Variants in FBXW11 observed in about 807,000 individuals in gnomAD.
The protein encoded by FBXW11 is F-box/WD repeat-containing protein 11.
FBXW11 carries 19 observed loss-of-function variants against 77.6 expected under a neutral mutation model. That is an observed-to-expected ratio of 0.24 (90% CI 0.17 to 0.36). FBXW11 has a LOEUF of 0.36. FBXW11 is among the 10% of genes least tolerant of loss of function. FBXW11 has a pLI of 1.00. For missense variants in FBXW11, 334 were observed against 704.2 expected (o/e 0.47, Z 5.95); for synonymous variants, 235 against 249.4 (o/e 0.94, Z 0.54).
At chr5:171,864,602 T>TA (rs1191423485) in intron 13 of FBXW11, among the ~76,000 whole-genome samples, 1 of 152,220 alleles carries the variant, frequency 6.6e-6, no homozygotes, top group Non-Finnish European at 1.5e-5. Flanking sequence ...TTAGCCTTTC[T>TA]AAAATAGAAT....
chr5:171,977,930 C>T (rs1016119111), intron 1 of FBXW11, among the ~76,000 whole-genome samples: 2 of 152,048 alleles, frequency 1.3e-5, no homozygotes, highest in African/African-American at 2.4e-5. Context: ...ACTACAGTTA[C>T]ATTAACAGCT....
intron 7 of FBXW11, among the ~76,000 whole-genome samples, chr5:171,885,178 T>C (rs1307268579): frequency 6.6e-6 from 1 of 152,204 alleles, no homozygotes; most frequent in Non-Finnish European, 1.5e-5. Flanking sequence ...GTAGACCTTA[T>C]CAAGAAGTAC....
chr5:171,956,749 T>C (rs567469883), intron 2 of FBXW11, among the ~76,000 whole-genome samples: 2 of 152,374 alleles, frequency 1.3e-5, no homozygotes, highest in African/African-American at 4.8e-5. Flanking sequence ...GAATTTAATA[T>C]GGCTTTTCAA....
chr5:171,936,109 T>TAAAAAAAAAAA (rs61349170), intron 2 of FBXW11, among the ~76,000 whole-genome samples: 61 of 58,960 alleles, frequency 1.0e-3, no homozygotes, highest in East Asian at 1.8e-3. Context: ...AGACTCCATC[T>TAAAAAAAAAAA]AAAAAAAAAA....
chr5:171,964,519 T>C (rs1226499146), intron 1 of FBXW11, among the ~76,000 whole-genome samples: 1 of 152,248 alleles, frequency 6.6e-6, no homozygotes, highest in Non-Finnish European at 1.5e-5. Context: ...GCATTAAAGT[T>C]AACCCAACTT....
intron 2 of FBXW11, among the ~76,000 whole-genome samples, chr5:171,931,498 C>A (rs1200460492): frequency 6.6e-6 from 1 of 152,184 alleles, no homozygotes; most frequent in Non-Finnish European, 1.5e-5. Context: ...AGACACTCAG[C>A]TTACACATTT....
At chr5:171,894,322 G>C (rs559686374) in intron 6 of FBXW11, among the ~76,000 whole-genome samples, 3 of 152,288 alleles carry the variant, frequency 2.0e-5, no homozygotes, top group African/African-American at 7.2e-5. Context: ...TTAGCAAATG[G>C]CTTAGCTTCT....
rs533307569 is a variant in FBXW11, at chr5:171,883,281, A to C, written c.853-5152T>G. Among the ~76,000 whole-genome samples the C allele has an allele frequency of 3.8e-4, 58 of 152,214 alleles. 3 individuals are homozygous for C. The South Asian group carries it at 0.011, about 28-fold the overall frequency. On this transcript the variant is annotated intron_variant, in intron 7 of 13. Transcript: ENST00000517395. Reference sequence around the variant, plus strand: ...AAGTGTCTTTTTTAAATAATGACTTATTTTCCTCTGGGTAGATACCCAGTA... The same window carrying C: ...AAGTGTCTTTTTTAAATAATGACTTCTTTTCCTCTGGGTAGATACCCAGTA...
chr5:171,922,845 C>A (rs1295329161), intron 2 of FBXW11, among the ~76,000 whole-genome samples: 1 of 152,022 alleles, frequency 6.6e-6, no homozygotes, highest in African/African-American at 2.4e-5. Context: ...CCAAAAATAC[C>A]TTAAAGAATG....
chr5:171,981,504 T>C (rs1765144882), intron 1 of FBXW11, among the ~76,000 whole-genome samples: 1 of 152,286 alleles, frequency 6.6e-6, no homozygotes, highest in South Asian at 2.1e-4. Context: ...TTTGGTTAAT[T>C]TAAGGGATCT....
intron 2 of FBXW11, among the ~76,000 whole-genome samples, chr5:171,936,044 G>C (rs1246461491): frequency 6.8e-6 from 1 of 147,298 alleles, no homozygotes; most frequent in Non-Finnish European, 1.5e-5. Context: ...CTGGGAGGCA[G>C]AGGTTGCAGT....
intron 1 of FBXW11, 117 bp from the exon 2 acceptor site, chr5:171,957,815 G>T: frequency 1.2e-6 from 1 of 808,278 alleles, no homozygotes; most frequent in Non-Finnish European, 2.1e-6. Flanking sequence ...TTGGCAGTTT[G>T]GAGGTTAGGG....
intron 1 of FBXW11, among the ~76,000 whole-genome samples, chr5:171,996,264 A>G (rs1033943441): frequency 2.6e-5 from 4 of 152,234 alleles, no homozygotes; most frequent in African/African-American, 9.6e-5. Context: ...AGAATGCCTC[A>G]AAGTTACCAT....
At chr5:171,990,354 T>A (rs1321554654) in intron 1 of FBXW11, among the ~76,000 whole-genome samples, 1 of 152,202 alleles carries the variant, frequency 6.6e-6, no homozygotes, top group Non-Finnish European at 1.5e-5. Flanking sequence ...AAAATTCATG[T>A]AATACCATGA....
Position 171,916,255 on chromosome 5 carries a change from A to AG in FBXW11, c.148-1851_148-1850insC, listed in dbSNP as rs1491337516. ...AAGTATAATTTAAAAAAAAAATGAG[A>AG]AAAAAAAAAAAAAAGATGCTACTTT... is the stretch of plus-strand genomic sequence containing the variant. On this transcript the variant is annotated intron_variant, in intron 2 of 13. Coordinates refer to ENST00000517395, the MANE Select transcript of FBXW11 (RefSeq NM_001378974.1). Among the ~76,000 whole-genome samples the AG allele has an allele frequency of 0.016, 150 of 9,586 alleles. 1 individual carries two copies. The East Asian group carries it at 0.49, about 31-fold the overall frequency. The allele number at this position is 9,586 out of a possible 152,430, so 6.3% of individuals were successfully genotyped here.
At chr5:171,902,514 G>C (rs983478388) in intron 4 of FBXW11, among the ~76,000 whole-genome samples, 15 of 152,176 alleles carry the variant, frequency 9.9e-5, no homozygotes, top group African/African-American at 3.4e-4. Context: ...TTCAGAGGCT[G>C]ATTAGCCTTT....
intron 1 of FBXW11, among the ~76,000 whole-genome samples, chr5:171,977,452 C>A (rs1274700494): frequency 6.6e-6 from 1 of 152,092 alleles, no homozygotes; most frequent in African/African-American, 2.4e-5. Context: ...AATGAATATG[C>A]CATGAACTGA....
intron 1 of FBXW11, among the ~76,000 whole-genome samples, chr5:172,000,805 T>A (rs1257941884): frequency 6.6e-6 from 1 of 152,228 alleles, no homozygotes; most frequent in Non-Finnish European, 1.5e-5. Flanking sequence ...TACCTTTCTT[T>A]ATGTCACACA....
chr5:171,896,045 C>CA (rs1759719717), intron 6 of FBXW11, among the ~76,000 whole-genome samples: 1 of 152,134 alleles, frequency 6.6e-6, no homozygotes, highest in African/African-American at 2.4e-5. Context: ...TCCTGAATAA[C>CA]AGGAGTTGGC....
Sources: allele counts gnomAD v4.1 joint callset (sites outside exome capture counted in the v4.1 genomes callset), GRCh38; gene constraint gnomAD v4.1.1; transcripts MANE v1.5; gene names NCBI Gene and HGNC (gene_info 2026-07-23, HGNC 2026-07-21).